The following COL19A1 variants were observed in gnomAD, a reference collection of about 807,000 sequenced individuals.
COL19A1 encodes the protein collagen alpha-1(XIX) chain.
Under a neutral mutation model 190.2 loss-of-function variants are expected in COL19A1, and 159 were observed. That is an observed-to-expected ratio of 0.84 (90% CI 0.73 to 0.95). The LOEUF (loss-of-function observed/expected upper bound fraction) is 0.95. Among genes scored for constraint, COL19A1 ranks in the 40% least tolerant of loss-of-function variants. The probability of loss-of-function intolerance (pLI) is 0.00; values close to 1 mark genes in which losing one functional copy is unlikely to be tolerated. For missense variants in COL19A1, 1,418 were observed against 1,431.9 expected (o/e 0.99, Z 0.16); for synonymous variants, 509 against 458.9 (o/e 1.11, Z -1.39).
At chr6:70,117,886 A>G (rs1402418158) in intron 16 of COL19A1, among the ~76,000 whole-genome samples, 1 of 152,118 alleles carries the variant, frequency 6.6e-6, no homozygotes, top group African/African-American at 2.4e-5. Flanking sequence ...CTTTCCATAA[A>G]CCTTTAACCA....
chr6:70,142,467 A>G (rs891635279), intron 22 of COL19A1, among the ~76,000 whole-genome samples: 7 of 152,192 alleles, frequency 4.6e-5, no homozygotes, highest in African/African-American at 1.7e-4. Flanking sequence ...GAGTGTCCCA[A>G]GAGAGCAGCT....
chr6:70,022,811 G>A (rs1037418812), intron 11 of COL19A1, among the ~76,000 whole-genome samples: 8 of 151,986 alleles, frequency 5.3e-5, no homozygotes, highest in East Asian at 1.9e-4. Flanking sequence ...TAATCCATTC[G>A]TTGTCTCTAT....
At chr6:70,153,831 C>A (rs1787250830) in intron 31 of COL19A1, among the ~76,000 whole-genome samples, 1 of 151,956 alleles carries the variant, frequency 6.6e-6, no homozygotes, top group African/African-American at 2.4e-5. Context: ...AACTCCCCTG[C>A]CAACACATTA....
At chr6:69,953,782 C>G (rs1352048431) in intron 9 of COL19A1, among the ~76,000 whole-genome samples, 1 of 151,950 alleles carries the variant, frequency 6.6e-6, no homozygotes, top group Non-Finnish European at 1.5e-5. Context: ...TGCTAATGTT[C>G]CTGTTTGGTT....
chr6:69,965,644 A>C (rs1362560705), intron 11 of COL19A1, among the ~76,000 whole-genome samples: 1 of 152,254 alleles, frequency 6.6e-6, no homozygotes, highest in African/African-American at 2.4e-5. Context: ...CAGCCAAATT[A>C]GTCCTGAAGT....
intron 16 of COL19A1, among the ~76,000 whole-genome samples, chr6:70,106,229 C>A (rs1290896768): frequency 6.6e-6 from 1 of 151,958 alleles, no homozygotes; most frequent in African/African-American, 2.4e-5. Flanking sequence ...ATTATTTGTT[C>A]TGAAGCCAAA....
intron 3 of COL19A1, 68 bp downstream of exon 3, chr6:69,899,090 T>G (rs1769985478): frequency 1.0e-6 from 1 of 997,592 alleles, no homozygotes; most frequent in Non-Finnish European, 1.6e-6. Context: ...AGATATGGAA[T>G]ACATTATAGG....
intron 18 of COL19A1, chr6:70,131,316 G>T (rs1389404562): frequency 5.0e-6 from 1 of 200,868 alleles, no homozygotes; most frequent in African/African-American, 2.4e-5. Flanking sequence ...ATGAATCCAA[G>T]AAAATATGAC....
At chr6:70,057,903 G>A (rs989345957) in intron 14 of COL19A1, among the ~76,000 whole-genome samples, 4 of 151,966 alleles carry the variant, frequency 2.6e-5, no homozygotes, top group Non-Finnish European at 5.9e-5. Context: ...TCATCCATTC[G>A]ACACCTACTA....
chr6:70,022,394 C>G (rs1483868084), intron 11 of COL19A1, among the ~76,000 whole-genome samples: 6 of 152,168 alleles, frequency 3.9e-5, no homozygotes, highest in African/African-American at 1.4e-4. Context: ...AAAAAATCAT[C>G]TGTAATCACA....
At position 70,016,398 on chromosome 6, in the gene COL19A1, A is replaced by C. The variant is rs553790214; in HGVS notation, c.1027-7229A>C. Among the ~76,000 whole-genome samples, 178 of 130,414 alleles carry C rather than the reference A, an allele frequency of 1.4e-3. 19 individuals carry two copies. Among genetic ancestry groups the C allele is most frequent in the African/African-American group, 2.6e-3 (73 of 27,778 alleles). The allele number at this position is 130,414 out of a possible 152,430, so 85.6% of individuals were successfully genotyped here. A position where few individuals can be genotyped will look rare whatever the true frequency, so the allele number is the denominator to read the frequency against. On this transcript the variant is annotated intron_variant, in intron 11 of 50. Coordinates refer to ENST00000620364, the MANE Select transcript of COL19A1 (RefSeq NM_001858.6). The stretch of plus-strand genomic sequence containing the variant: ...AAAAAAAAAAAACACATGAAAAAAA[A>C]AAAACAAAACAAAACAAAGCAAACA...
intron 2 of COL19A1, chr6:69,891,203 C>CGCAAA (rs1554158949): frequency 4.8e-5 from 5 of 105,228 alleles, no homozygotes; most frequent in Non-Finnish European, 1.1e-4. Flanking sequence ...ACCCAGCTAG[C>CGCAAA]AAAAAAAAAA....
At chr6:70,181,663 A>ACACACG (rs1766185657) in intron 44 of COL19A1, among the ~76,000 whole-genome samples, 2 of 151,528 alleles carry the variant, frequency 1.3e-5, no homozygotes, top group African/African-American at 4.9e-5. Context: ...AACAACACAC[A>ACACACG]CACACACACA....
chr6:70,207,806 A>G lies in COL19A1; in HGVS notation c.*532A>G, dbSNP rs1179203475. The G allele has an allele frequency of 2.0e-5, 3 of 152,092 alleles. No homozygotes were observed. The highest frequency in any genetic ancestry group is 4.2e-4 in the South Asian group (2 of 4,818). The allele number at this position is 152,092 out of a possible 1,614,324, so 9.4% of individuals were successfully genotyped here. On this transcript the variant is annotated 3_prime_UTR_variant, in exon 51 of 51. Coordinates refer to ENST00000620364, the MANE Select transcript of COL19A1 (RefSeq NM_001858.6). ...AAGAATTTTTATACCATCTACATCTATCCTACTTATGCAGAAAAATAGGCA... is the reference window on the plus strand; with the variant it reads ...AAGAATTTTTATACCATCTACATCTGTCCTACTTATGCAGAAAAATAGGCA...
At chr6:69,914,761 C>T (rs575868984) in intron 4 of COL19A1, among the ~76,000 whole-genome samples, 2 of 152,244 alleles carry the variant, frequency 1.3e-5, no homozygotes, top group East Asian at 1.9e-4. Context: ...GAATTACCTC[C>T]GGAACCACTG....
intron 4 of COL19A1, among the ~76,000 whole-genome samples, chr6:69,923,067 A>C (rs1484148723): frequency 2.0e-5 from 3 of 152,168 alleles, no homozygotes; most frequent in Non-Finnish European, 2.9e-5. Flanking sequence ...ACCACTACAA[A>C]ACTTAGTGGC....
intron 36 of COL19A1, among the ~76,000 whole-genome samples, chr6:70,165,040 G>A (rs1765053662): frequency 6.6e-6 from 1 of 152,186 alleles, no homozygotes; most frequent in Non-Finnish European, 1.5e-5. Flanking sequence ...GACATTGTGA[G>A]TAGAAATTTT....
chr6:70,141,817 T>A, intron 20 of COL19A1, 76 bp from the exon 21 acceptor site: 1 of 955,348 alleles, frequency 1.0e-6, no homozygotes, highest in Non-Finnish European at 1.6e-6. Flanking sequence ...TTAGTAGAAA[T>A]TCAATTAAAG....
intron 4 of COL19A1, among the ~76,000 whole-genome samples, chr6:69,906,382 A>G (rs895161003): frequency 2.0e-5 from 3 of 152,168 alleles, no homozygotes; most frequent in African/African-American, 7.2e-5. Flanking sequence ...CTTGATAGCT[A>G]CTGGCTGTCT....
Sources: allele counts gnomAD v4.1 joint callset (sites outside exome capture counted in the v4.1 genomes callset), GRCh38; gene constraint gnomAD v4.1.1; transcripts MANE v1.5; gene names NCBI Gene and HGNC (gene_info 2026-07-23, HGNC 2026-07-21).